The following CFAP44 variants were observed in gnomAD, a reference collection of about 807,000 sequenced individuals.
CFAP44 encodes the protein cilia- and flagella-associated protein 44.
Under a neutral mutation model 216.2 loss-of-function variants are expected in CFAP44, and 134 were observed. The observed-to-expected ratio is 0.62, with a 90% CI of 0.54 to 0.72. The LOEUF (loss-of-function observed/expected upper bound fraction) is 0.72, where lower values mean the gene tolerates loss of function less well. Ranked by LOEUF, CFAP44 falls within the 30% of genes least tolerant of loss-of-function variation. CFAP44 has a pLI of 0.00. For synonymous variants in CFAP44, 700 were observed against 727.6 expected (o/e 0.96, Z 0.61); for missense variants, 2,035 against 2,182.1 (o/e 0.93, Z 1.34).
At chr3:113,378,194 T>C (rs1214196094) in intron 17 of CFAP44, among the ~76,000 whole-genome samples, 3 of 152,294 alleles carry the variant, frequency 2.0e-5, no homozygotes, top group East Asian at 1.9e-4. Flanking sequence ...TGGAAATTTA[T>C]TGCATTGTAT....
Position 113,363,471 on chromosome 3 carries a change from C to T in CFAP44, c.2771+6G>A. The T allele has an allele frequency of 6.2e-7, 1 of 1,608,368 alleles. No homozygotes were observed. Among genetic ancestry groups the T allele is most frequent in the Non-Finnish European group, 8.5e-7 (1 of 1,177,932 alleles). On this transcript the variant is annotated splice_donor_region_variant and intron_variant, in intron 20 of 34. Coordinates refer to ENST00000393845, the MANE Select transcript of CFAP44 (RefSeq NM_001164496.2). Reference sequence around the variant, plus strand: ...CCTAGTCAGTATTTATCAAAAATTCCCATACCTGTAGGCTTTGGGATCTTC... The same window carrying T: ...CCTAGTCAGTATTTATCAAAAATTCTCATACCTGTAGGCTTTGGGATCTTC...
chr3:113,298,753 AT>A (rs1475323919), intron 32 of CFAP44, among the ~76,000 whole-genome samples: 2 of 152,250 alleles, frequency 1.3e-5, no homozygotes, highest in Non-Finnish European at 2.9e-5. Flanking sequence ...CAAATACTGT[AT>A]TATTCTCCTC....
intron 28 of CFAP44, among the ~76,000 whole-genome samples, chr3:113,323,012 A>C (rs963406541): frequency 1.1e-4 from 16 of 152,170 alleles, no homozygotes; most frequent in African/African-American, 3.9e-4. Flanking sequence ...GCCCCTTATA[A>C]AGCCATCAGA....
chr3:113,327,228 C>A (rs1244705302), intron 27 of CFAP44, among the ~76,000 whole-genome samples: 1 of 152,086 alleles, frequency 6.6e-6, no homozygotes, highest in East Asian at 1.9e-4. Flanking sequence ...AAGAAACTCA[C>A]CAGCTTCTTT....
intron 7 of CFAP44, among the ~76,000 whole-genome samples, chr3:113,408,456 T>C (rs555840122): frequency 1.4e-4 from 21 of 152,342 alleles, no homozygotes; most frequent in Admixed American, 1.2e-3. Context: ...AATTCAGTAG[T>C]GGATGTGAAA....
At chr3:113,429,659 G>A (rs1029107976) in intron 2 of CFAP44, among the ~76,000 whole-genome samples, 1 of 151,950 alleles carries the variant, frequency 6.6e-6, no homozygotes. Flanking sequence ...ACATATGCTT[G>A]TGAAATTAAC....
At chr3:113,291,865 G>T in intron 34 of CFAP44, 117 bp from the exon 35 acceptor site, 2 of 1,139,078 alleles carry the variant, frequency 1.8e-6, no homozygotes, top group Non-Finnish European at 2.4e-6. Flanking sequence ...AACAGCCACT[G>T]TTCCTTAATC....
At chr3:113,441,056 A>C (rs1935349347) in intron 1 of CFAP44, among the ~76,000 whole-genome samples, 1 of 152,186 alleles carries the variant, frequency 6.6e-6, no homozygotes. Flanking sequence ...TTCTTTCTGG[A>C]GATGAGGAAG....
chr3:113,336,506 A>T (rs1950282957), intron 24 of CFAP44, among the ~76,000 whole-genome samples: 1 of 152,076 alleles, frequency 6.6e-6, no homozygotes, highest in South Asian at 2.1e-4. Flanking sequence ...ATAAAAACTA[A>T]CTCAAGAAGA....
intron 15 of CFAP44, among the ~76,000 whole-genome samples, chr3:113,383,059 A>C (rs1933555379): frequency 6.6e-6 from 1 of 152,252 alleles, no homozygotes; most frequent in Non-Finnish European, 1.5e-5. Flanking sequence ...CCTTTGGCTG[A>C]TTACTATAGG....
chr3:113,387,227 G>A (rs2107344742), intron 15 of CFAP44, among the ~76,000 whole-genome samples: 1 of 152,322 alleles, frequency 6.6e-6, no homozygotes, highest in South Asian at 2.1e-4. Context: ...GAGAGTGTCT[G>A]TGCCACCTCT....
At position 113,399,997 on chromosome 3, in the gene CFAP44, G is replaced by C; in HGVS notation, c.1478C>G (p.Ser493Cys). 6.4e-7 allele frequency: 1 copy of C among 1,565,120 alleles called. No homozygotes were observed. Residue 493 changes from serine (S) to cysteine (C), a missense_variant, in exon 13 of 35, where the codon TCT becomes TGT. Physicochemically the swap from Ser to Cys is moderately radical, Grantham distance 112. This residue lies in a region of CFAP44 where 1,883 missense variants were observed against 2,023.7 expected (regional missense o/e 0.93). Transcript: ENST00000393845. ...YLMATTALDC[S>C]VRIYDFASKT... ...GCTAGCAAAATCATAGATTCGAACA[G>C]AGCCTATAGAAAGACAGTTTTAAAA... is the stretch of plus-strand genomic sequence containing the variant.
rs1195666484 is a variant in CFAP44 at position 113,308,140 on chromosome 3, T to C, written c.4627+18A>G. The stretch of plus-strand genomic sequence containing the variant: ...ATATTCACACTTCACAGAGAACACG[T>C]GGTTTTATCTAACTTACTTGTTGGG... On this transcript the variant is annotated intron_variant, in intron 29 of 34. Transcript: ENST00000393845. The C allele has an allele frequency of 2.6e-6, 4 of 1,518,460 alleles. No homozygotes were observed. The highest frequency in any genetic ancestry group is 2.6e-6 in the Non-Finnish European group (3 of 1,135,926). 94.1% of individuals were successfully genotyped at this position (1,518,460 alleles called of 1,614,324 possible).
chr3:113,391,683 A>C (rs996557330), intron 15 of CFAP44, among the ~76,000 whole-genome samples: 6 of 152,022 alleles, frequency 3.9e-5, no homozygotes, highest in Non-Finnish European at 8.8e-5. Flanking sequence ...AGAATATATA[A>C]GGAGCCCAAA....
intron 28 of CFAP44, among the ~76,000 whole-genome samples, chr3:113,310,217 C>T (rs1370238929): frequency 1.3e-5 from 2 of 152,190 alleles, no homozygotes; most frequent in Non-Finnish European, 2.9e-5. Flanking sequence ...GCCTGGACTT[C>T]CACTCCCAAG....
intron 21 of CFAP44, chr3:113,361,382 G>C (rs868858461): frequency 2.5e-4 from 49 of 193,106 alleles, no homozygotes; most frequent in African/African-American, 1.1e-3. Context: ...GTCTGTATTT[G>C]AAATGCTTAT....
chr3:113,386,619 A>G (rs949335883), intron 15 of CFAP44, among the ~76,000 whole-genome samples: 1 of 152,190 alleles, frequency 6.6e-6, no homozygotes, highest in Non-Finnish European at 1.5e-5. Context: ...GGACAAGGCT[A>G]GAATAGGGAG....
intron 28 of CFAP44, among the ~76,000 whole-genome samples, chr3:113,312,426 G>A (rs1245425916): frequency 6.6e-6 from 1 of 151,864 alleles, no homozygotes; most frequent in Non-Finnish European, 1.5e-5. Context: ...ATAAAAGTTT[G>A]GAAAATTTGC....
At position 113,288,161 on chromosome 3, in the gene CFAP44, G is replaced by C. The variant is rs1949793025; in HGVS notation, c.*3396C>G. 6.6e-6 allele frequency: 1 copy of C among 152,128 alleles called. No homozygotes were observed. The highest frequency in any genetic ancestry group is 2.4e-5 in the African/African-American group (1 of 41,420). 9.4% of individuals were successfully genotyped at this position (152,128 alleles called of 1,614,324 possible). On this transcript the variant is annotated 3_prime_UTR_variant, in exon 35 of 35. Transcript: ENST00000393845. ...CCACTTGAGACAATCTCGTTAAGTGGGGGGCCAGACCCTGGCTTTTAAACA... is the reference window on the plus strand; with the variant it reads ...CCACTTGAGACAATCTCGTTAAGTGCGGGGCCAGACCCTGGCTTTTAAACA...
Sources: gnomAD v4.1 joint callset for allele counts (sites outside exome capture counted in the v4.1 genomes callset) on GRCh38, gnomAD v4.1.1 for gene constraint, gnomAD v4.1.1 regional missense constraint, MANE v1.5 for transcripts, NCBI Gene and HGNC (gene_info 2026-07-23, HGNC 2026-07-21) for gene names.